The following PGBD2 variants were observed in gnomAD, a reference collection of about 807,000 sequenced individuals.
PGBD2 encodes the protein piggyBac transposable element derived 2.
Under a neutral mutation model 8.1 loss-of-function variants are expected in PGBD2, and 6 were observed. The ratio of observed to expected loss-of-function variants is 0.74; its 90% confidence interval spans 0.40 to 1.46. PGBD2 has a LOEUF of 1.46. Among genes scored for constraint, PGBD2 ranks in the 40% most tolerant of loss-of-function variants. PGBD2 has a pLI of 0.02. For missense variants in PGBD2, 802 were observed against 739.0 expected (o/e 1.09, Z -0.99); for synonymous variants, 318 against 272.2 (o/e 1.17, Z -1.66).
chr1:248,896,431 T>C, the PGBD2 span, among the ~76,000 whole-genome samples: 4 of 152,182 alleles, frequency 2.6e-5, no homozygotes, highest in African/African-American at 9.7e-5. Context: ...TGCATACGTT[T>C]ATCATTCCTT....
At chr1:248,885,023 T>A in the PGBD2 span, among the ~76,000 whole-genome samples, 2 of 152,172 alleles carry the variant, frequency 1.3e-5, no homozygotes, top group African/African-American at 2.4e-5. Flanking sequence ...GTATCCTACT[T>A]CCCATCTCAT....
At chr1:248,922,507 G>A (rs1349476003), downstream of PGBD2, among the ~76,000 whole-genome samples, 3 of 152,154 alleles carry the variant, frequency 2.0e-5, no homozygotes, top group East Asian at 3.9e-4. Context: ...AATAGGAGTG[G>A]CAAGAGAGGG....
chr1:248,893,535 C>G, the PGBD2 span, among the ~76,000 whole-genome samples: 1 of 152,190 alleles, frequency 6.6e-6, no homozygotes, highest in African/African-American at 2.4e-5. Context: ...ATCTAAATGA[C>G]TGCAAATAGT....
the PGBD2 span, among the ~76,000 whole-genome samples, chr1:248,878,680 T>C: frequency 6.6e-6 from 1 of 152,366 alleles, no homozygotes; most frequent in South Asian, 2.1e-4. Flanking sequence ...TTATAAGGTA[T>C]GCAGAAATTC....
chr1:248,874,806 C>T, the PGBD2 span, among the ~76,000 whole-genome samples: 1 of 152,112 alleles, frequency 6.6e-6, no homozygotes, highest in Non-Finnish European at 1.5e-5. Flanking sequence ...ATGCCACAAC[C>T]AACCCTGGTT....
intron 1 of PGBD2, chr1:248,912,834 A>C (rs1572276106): frequency 7.9e-6 from 1 of 127,370 alleles, no homozygotes; most frequent in African/African-American, 3.0e-5. Flanking sequence ...ATGGGGTTTC[A>C]CTCCTGTTGC....
chr1:248,921,306 T>C (rs562965608), downstream of PGBD2, among the ~76,000 whole-genome samples: 46 of 152,284 alleles, frequency 3.0e-4, 1 homozygote, highest in South Asian at 9.5e-3. Context: ...CCATCTTGAG[T>C]TGATTTTTGT....
the PGBD2 span, among the ~76,000 whole-genome samples, chr1:248,928,230 G>C: frequency 6.6e-6 from 1 of 152,108 alleles, no homozygotes; most frequent in Non-Finnish European, 1.5e-5. Flanking sequence ...ATCTAGAGAG[G>C]TGAGATGGAC....
At chr1:248,923,824 C>A (rs1299619142), downstream of PGBD2, among the ~76,000 whole-genome samples, 1 of 152,182 alleles carries the variant, frequency 6.6e-6, no homozygotes, top group Non-Finnish European at 1.5e-5. Flanking sequence ...GCAGATCCAG[C>A]CCCACTCAGT....
chr1:248,890,342 T>C, the PGBD2 span, among the ~76,000 whole-genome samples: 1 of 152,136 alleles, frequency 6.6e-6, no homozygotes, highest in Non-Finnish European at 1.5e-5. Flanking sequence ...ACCCTTCATC[T>C]TTCTCTCCTC....
chr1:248,891,125 G>A, the PGBD2 span, among the ~76,000 whole-genome samples: 1 of 152,166 alleles, frequency 6.6e-6, no homozygotes, highest in Non-Finnish European at 1.5e-5. Flanking sequence ...AAAAAGTTAT[G>A]CAAACAAAAT....
chr1:248,888,761 T>C, the PGBD2 span, among the ~76,000 whole-genome samples: 1 of 152,348 alleles, frequency 6.6e-6, no homozygotes, highest in African/African-American at 2.4e-5. Context: ...AACTTGTCAA[T>C]TTTTGTTTTT....
the PGBD2 span, among the ~76,000 whole-genome samples, chr1:248,882,762 A>G: frequency 2.6e-5 from 4 of 152,214 alleles, no homozygotes; most frequent in African/African-American, 9.6e-5. Context: ...ACGTCCATTC[A>G]TAGGCTCTCT....
chr1:248,892,273 C>CCCTCCCTCCCTCCCTTCCTTCCTTCCTT, the PGBD2 span, among the ~76,000 whole-genome samples: 1 of 127,348 alleles, frequency 7.9e-6, no homozygotes, highest in African/African-American at 3.3e-5. Flanking sequence ...CTCCCTCCCT[C>CCCTCCCTCCCTCCCTTCCTTCCTTCCTT]CCTTCCTTCC....
At chr1:248,895,367 G>A in the PGBD2 span, among the ~76,000 whole-genome samples, 2 of 152,178 alleles carry the variant, frequency 1.3e-5, no homozygotes, top group Non-Finnish European at 2.9e-5. Flanking sequence ...CACACAAAGA[G>A]GAGGAAGGAC....
the PGBD2 span, among the ~76,000 whole-genome samples, chr1:248,876,917 T>C: frequency 2.0e-5 from 3 of 152,224 alleles, no homozygotes; most frequent in Admixed American, 1.3e-4. Context: ...GTGCTAATAA[T>C]CTCTGTCATT....
At chr1:248,902,247 C>A (rs1181209195), upstream of PGBD2, among the ~76,000 whole-genome samples, 1 of 144,450 alleles carries the variant, frequency 6.9e-6, no homozygotes, top group African/African-American at 2.6e-5. Context: ...CCAGCCTGGA[C>A]AACAGAGCAA....
At chr1:248,897,253 T>G in the PGBD2 span, among the ~76,000 whole-genome samples, 1 of 128,826 alleles carries the variant, frequency 7.8e-6, no homozygotes, top group South Asian at 2.2e-4. Context: ...CCCTCTACCT[T>G]TGCCTCTTTA....
chr1:248,911,045 C>G (rs1054695656), intron 1 of PGBD2, among the ~76,000 whole-genome samples: 10 of 152,104 alleles, frequency 6.6e-5, no homozygotes, highest in Non-Finnish European at 1.0e-4. Flanking sequence ...TTTGCCCCCC[C>G]ATCTCGAGCA....
Sources: allele counts gnomAD v4.1 joint callset (sites outside exome capture counted in the v4.1 genomes callset), GRCh38; gene constraint gnomAD v4.1.1; transcripts MANE v1.5; gene names NCBI Gene and HGNC (gene_info 2026-07-23, HGNC 2026-07-21).